FAM222B: variants seen among roughly 807,000 people sequenced by gnomAD.
FAM222B encodes the protein family with sequence similarity 222 member B.
Under a neutral mutation model 38.0 loss-of-function variants are expected in FAM222B, and 12 were observed. The ratio of observed to expected loss-of-function variants is 0.32; its 90% CI spans 0.20 to 0.51. The LOEUF (loss-of-function observed/expected upper bound fraction) is 0.51. Ranked by LOEUF, FAM222B falls within the 20% of genes least tolerant of loss-of-function variation. The pLI is 0.97. For synonymous variants in FAM222B, 329 were observed against 317.2 expected (o/e 1.04, Z -0.40); for missense variants, 716 against 754.2 (o/e 0.95, Z 0.59).
At chr17:28,785,479 T>C (rs557795154) in intron 1 of FAM222B, among the ~76,000 whole-genome samples, 2 of 152,328 alleles carry the variant, frequency 1.3e-5, no homozygotes, top group Non-Finnish European at 2.9e-5. Flanking sequence ...CACTATTATA[T>C]ACGACAAAAA....
At chr17:28,826,385 A>G (rs1363377845) in intron 1 of FAM222B, among the ~76,000 whole-genome samples, 1 of 152,014 alleles carries the variant, frequency 6.6e-6, no homozygotes, top group African/African-American at 2.4e-5. Context: ...ACTGATTTTT[A>G]AAAAGCTGTC....
chr17:28,806,009 G>T (rs184006345), intron 1 of FAM222B, among the ~76,000 whole-genome samples: 1 of 152,048 alleles, frequency 6.6e-6, no homozygotes, highest in African/African-American at 2.4e-5. Context: ...GGCACATGGT[G>T]CATGTGGTGG....
At chr17:28,783,514 ATTT>A (rs780468798) in intron 1 of FAM222B, among the ~76,000 whole-genome samples, 5 of 97,162 alleles carry the variant, frequency 5.1e-5, no homozygotes, top group Non-Finnish European at 4.6e-5. Flanking sequence ...CCTTCATGAG[ATTT>A]TTTTTTTTTT....
At chr17:28,803,980 CAA>C (rs201875974) in intron 1 of FAM222B, among the ~76,000 whole-genome samples, 1 of 145,900 alleles carries the variant, frequency 6.9e-6, no homozygotes, top group East Asian at 2.0e-4. Flanking sequence ...GACCACGTCT[CAA>C]AAAAAAAACC....
intron 1 of FAM222B, chr17:28,834,597 C>A (rs2038775206): frequency 6.6e-6 from 1 of 152,134 alleles, no homozygotes; most frequent in African/African-American, 2.4e-5. Flanking sequence ...AGGAAGTCTT[C>A]TCTAACTTTC....
chr17:28,801,447 G>A (rs1288238985), intron 1 of FAM222B, among the ~76,000 whole-genome samples: 9 of 122,972 alleles, frequency 7.3e-5, no homozygotes, highest in East Asian at 4.6e-4. Flanking sequence ...GCGAGACTCC[G>A]TCTCAAAAAA....
At chr17:28,821,059 G>A (rs1035401844) in intron 1 of FAM222B, among the ~76,000 whole-genome samples, 1 of 150,912 alleles carries the variant, frequency 6.6e-6, no homozygotes, top group East Asian at 1.9e-4. Context: ...GGGTTCAAGC[G>A]ATTCTCCTGC....
chr17:28,850,035 G>A (rs1250858386), intron 1 of FAM222B, among the ~76,000 whole-genome samples: 1 of 151,964 alleles, frequency 6.6e-6, no homozygotes, highest in Non-Finnish European at 1.5e-5. Context: ...AGTGAGCCGA[G>A]GTCATGCCAT....
chr17:28,778,697 G>GTATATATA (rs1204895077), intron 1 of FAM222B, among the ~76,000 whole-genome samples: 1 of 45,344 alleles, frequency 2.2e-5, no homozygotes, highest in Non-Finnish European at 3.5e-5. Flanking sequence ...GTGTGTGTGT[G>GTATATATA]TATATATATA....
At chr17:28,767,087 G>A (rs2035368382) in intron 1 of FAM222B, 1 of 167,340 alleles carries the variant, frequency 6.0e-6, no homozygotes, top group Non-Finnish European at 1.3e-5. Context: ...GACATTTTCA[G>A]AAGCAGCACA....
At chr17:28,851,869 A>C (rs2039183738) in intron 1 of FAM222B, among the ~76,000 whole-genome samples, 1 of 135,114 alleles carries the variant, frequency 7.4e-6, no homozygotes. Context: ...GAAAGACTCC[A>C]TCTCAAAAAA....
At chr17:28,844,034 C>T (rs970594850), upstream of FAM222B, among the ~76,000 whole-genome samples, 2 of 152,164 alleles carry the variant, frequency 1.3e-5, no homozygotes, top group Non-Finnish European at 2.9e-5. Context: ...TCACTGTGAG[C>T]CTGGCCCTTT....
intron 1 of FAM222B, among the ~76,000 whole-genome samples, chr17:28,776,101 C>G (rs2035884024): frequency 6.9e-6 from 1 of 145,202 alleles, no homozygotes; most frequent in Non-Finnish European, 1.5e-5. Flanking sequence ...AAAAAAAAAG[C>G]CAGGTGCAGT....
At chr17:28,835,452 G>A (rs1414069835) in intron 1 of FAM222B, among the ~76,000 whole-genome samples, 1 of 152,094 alleles carries the variant, frequency 6.6e-6, no homozygotes, top group African/African-American at 2.4e-5. Flanking sequence ...ACTGCTGAAA[G>A]GATCAACTCC....
At chr17:28,767,771 C>T (rs560063139) in intron 1 of FAM222B, among the ~76,000 whole-genome samples, 5 of 152,292 alleles carry the variant, frequency 3.3e-5, no homozygotes, top group African/African-American at 1.2e-4. Flanking sequence ...CCACCGCACC[C>T]GGCCGAACTC....
At chr17:28,791,955 C>A (rs1022637415) in intron 1 of FAM222B, among the ~76,000 whole-genome samples, 1 of 151,280 alleles carries the variant, frequency 6.6e-6, no homozygotes, top group African/African-American at 2.4e-5. Context: ...CCACCTGTGC[C>A]TGGCCATGCC....
At chr17:28,791,675 A>AT (rs869183871) in intron 1 of FAM222B, among the ~76,000 whole-genome samples, 11,686 of 116,776 alleles carry the variant, frequency 0.1, 785 homozygotes, top group South Asian at 0.13. Flanking sequence ...GAGCCCAGGA[A>AT]TTTTTTTTTT....
chr17:28,792,104 G>A (rs1454030885), intron 1 of FAM222B, among the ~76,000 whole-genome samples: 2 of 151,054 alleles, frequency 1.3e-5, no homozygotes, highest in Non-Finnish European at 3.0e-5. Flanking sequence ...GAGGTCAGGA[G>A]ATCGAGACCA....
At chr17:28,789,152 A>T (rs542197749) in intron 1 of FAM222B, among the ~76,000 whole-genome samples, 112 of 150,650 alleles carry the variant, frequency 7.4e-4, no homozygotes, top group Non-Finnish European at 1.2e-3. Flanking sequence ...AGAAAACAAA[A>T]GTTCAAAATT....
Sources: allele counts gnomAD v4.1 joint callset (sites outside exome capture counted in the v4.1 genomes callset), GRCh38; gene constraint gnomAD v4.1.1; transcripts MANE v1.5; gene names NCBI Gene and HGNC (gene_info 2026-07-23, HGNC 2026-07-21).